ZNF469: variants seen among roughly 807,000 people sequenced by gnomAD.
ZNF469 encodes zinc finger protein 469.
In ZNF469, 1 loss-of-function variant was observed where a neutral mutation model predicts 1.0. The ratio of observed to expected loss-of-function variants is 1.00; its 90% CI spans 0.35 to 4.73. The LOEUF (loss-of-function observed/expected upper bound fraction) is 4.73, where lower values mean the gene tolerates loss of function less well. Ranked by LOEUF, ZNF469 falls within the 30% of genes most tolerant of loss-of-function variation. ZNF469 has a pLI of 0.16. For synonymous variants in ZNF469, 2,703 were observed against 2,363.4 expected (o/e 1.14, Z -4.17); for missense variants, 6,100 against 5,356.3 (o/e 1.14, Z -4.33).
At chr16:88,359,785 A>G in the ZNF469 span, among the ~76,000 whole-genome samples, 1 of 152,212 alleles carries the variant, frequency 6.6e-6, no homozygotes, top group African/African-American at 2.4e-5. Context: ...TCAAATATCT[A>G]GAAAGCTCGA....
the ZNF469 span, among the ~76,000 whole-genome samples, chr16:88,370,366 C>T: frequency 6.6e-6 from 1 of 152,006 alleles, no homozygotes; most frequent in African/African-American, 2.4e-5. Context: ...CATGGTGGGC[C>T]CCTCGTTATT....
chr16:88,376,158 A>G, the ZNF469 span, among the ~76,000 whole-genome samples: 6 of 152,366 alleles, frequency 3.9e-5, no homozygotes, highest in African/African-American at 1.4e-4. Context: ...AGTTGTCTGC[A>G]CGCCTTCGCC....
the ZNF469 span, among the ~76,000 whole-genome samples, chr16:88,267,442 T>C: frequency 2.6e-5 from 4 of 152,162 alleles, no homozygotes; most frequent in African/African-American, 7.2e-5. Flanking sequence ...TCAGACGTGG[T>C]GAGGAGGGGT....
At chr16:88,155,441 A>G in the ZNF469 span, among the ~76,000 whole-genome samples, 1 of 152,198 alleles carries the variant, frequency 6.6e-6, no homozygotes, top group African/African-American at 2.4e-5. Flanking sequence ...CCCAAAAGGA[A>G]ACTGTCCCCA....
rs866231149 is a variant in ZNF469, at chr16:88,429,755, A to G, written c.2285A>G (p.Asp762Gly). ...FCGLLLARAK[D>G]GHQRSPGPPG... ...GGCCTGCTCCTGGCCAGGGCCAAGG[A>G]TGGCCACCAGCGGTCTCCAGGCCCC... The change falls in exon 3 of 3, where the codon GAT (aspartate) becomes GGT (glycine). Residue 762 changes from aspartate (D) to glycine (G), a missense_variant. Asp to Gly is a moderately conservative substitution (Grantham distance 94). Transcript: ENST00000565624. 7.1e-6 allele frequency: 11 copies of G among 1,544,548 alleles called. No individual in the cohort carries two copies. The African/African-American group carries it at 1.5e-4, about 21-fold the overall frequency.
At chr16:88,310,387 G>C in the ZNF469 span, among the ~76,000 whole-genome samples, 2 of 150,296 alleles carry the variant, frequency 1.3e-5, no homozygotes, top group Non-Finnish European at 3.0e-5. Context: ...AAATAAGGGT[G>C]TGCCTGGGGC....
chr16:88,391,971 C>T (rs1477415168), intron 1 of ZNF469, among the ~76,000 whole-genome samples: 1 of 152,164 alleles, frequency 6.6e-6, no homozygotes, highest in African/African-American at 2.4e-5. Flanking sequence ...TCATATAACA[C>T]ATAACATGAT....
chr16:88,184,591 G>A, the ZNF469 span, among the ~76,000 whole-genome samples: 2 of 151,826 alleles, frequency 1.3e-5, no homozygotes, highest in African/African-American at 2.4e-5. Flanking sequence ...CCACCTTCCC[G>A]TTCCCGTTTC....
At chr16:88,120,584 G>T in the ZNF469 span, among the ~76,000 whole-genome samples, 22 of 152,238 alleles carry the variant, frequency 1.4e-4, no homozygotes, top group Admixed American at 4.6e-4. Context: ...GCAGCAGGGA[G>T]GCGAGAGCCC....
At chr16:88,196,109 C>T in the ZNF469 span, among the ~76,000 whole-genome samples, 110 of 152,328 alleles carry the variant, frequency 7.2e-4, 1 homozygote, top group Middle Eastern at 3.4e-3. Flanking sequence ...GGCCAGCCCT[C>T]GCCTTTCTGT....
chr16:88,216,778 T>A, the ZNF469 span, among the ~76,000 whole-genome samples: 53 of 152,342 alleles, frequency 3.5e-4, no homozygotes, highest in African/African-American at 1.2e-3. Context: ...GATGTTAACC[T>A]TTTAACTATG....
the ZNF469 span, among the ~76,000 whole-genome samples, chr16:88,341,334 TG>T: frequency 6.6e-6 from 1 of 152,124 alleles, no homozygotes; most frequent in Non-Finnish European, 1.5e-5. Context: ...GGCCTCCCAC[TG>T]GGAACATGCG....
At chr16:88,341,511 C>T in the ZNF469 span, among the ~76,000 whole-genome samples, 3 of 152,370 alleles carry the variant, frequency 2.0e-5, no homozygotes, top group East Asian at 1.9e-4. Flanking sequence ...AGCTCTCTGA[C>T]GTAATCCCAA....
At chr16:88,392,212 T>G (rs1320262285) in intron 1 of ZNF469, among the ~76,000 whole-genome samples, 2 of 152,292 alleles carry the variant, frequency 1.3e-5, no homozygotes, top group Non-Finnish European at 2.9e-5. Flanking sequence ...GGAAGTCGCG[T>G]GCGCTCTGCG....
intron 1 of ZNF469, among the ~76,000 whole-genome samples, chr16:88,422,486 G>A (rs1905504315): frequency 7.0e-6 from 1 of 142,196 alleles, no homozygotes; most frequent in Non-Finnish European, 1.5e-5. Context: ...TGGGTGGGTG[G>A]ATAGATGGGT....
At chr16:88,128,256 C>CG in the ZNF469 span, among the ~76,000 whole-genome samples, 3 of 151,966 alleles carry the variant, frequency 2.0e-5, no homozygotes, top group Non-Finnish European at 4.4e-5. Flanking sequence ...AGGCCTTTCT[C>CG]GGGGGGCTGT....
At chr16:88,290,554 A>G in the ZNF469 span, among the ~76,000 whole-genome samples, 1 of 152,228 alleles carries the variant, frequency 6.6e-6, no homozygotes, top group Non-Finnish European at 1.5e-5. Flanking sequence ...CTGAGGCTCT[A>G]TTCCTTTATA....
the ZNF469 span, among the ~76,000 whole-genome samples, chr16:88,366,582 C>T: frequency 6.4e-5 from 3 of 47,168 alleles, no homozygotes; most frequent in African/African-American, 1.2e-4. Flanking sequence ...TCATCACCTT[C>T]ACCACCATCA....
At chr16:88,158,612 ACT>A in the ZNF469 span, among the ~76,000 whole-genome samples, 1 of 152,142 alleles carries the variant, frequency 6.6e-6, no homozygotes, top group African/African-American at 2.4e-5. Flanking sequence ...GCTGAAGCCC[ACT>A]CTCAGCAGGA....
Sources: gnomAD v4.1 joint callset for allele counts (sites outside exome capture counted in the v4.1 genomes callset) on GRCh38, gnomAD v4.1.1 for gene constraint, MANE v1.5 for transcripts, NCBI Gene and HGNC (gene_info 2026-07-23, HGNC 2026-07-21) for gene names.